Variants in ASPH observed in about 807,000 individuals in gnomAD.
ASPH encodes the protein aspartate beta-hydroxylase, also known as aspartyl/asparaginyl beta-hydroxylase.
Under a neutral mutation model 118.4 loss-of-function variants are expected in ASPH, and 100 were observed. The observed-to-expected ratio is 0.84, with a 90% confidence interval of 0.72 to 1.00. ASPH has a LOEUF of 1.00. Ranked by LOEUF, ASPH falls within the 50% of genes least tolerant of loss-of-function variation. ASPH has a pLI of 0.00. For missense variants in ASPH, 920 were observed against 919.5 expected, an observed-to-expected ratio of 1.00 and a Z score of -0.01; for synonymous variants, 315 against 325.6, an observed-to-expected ratio of 0.97 and a Z score of 0.35.
intron 3 of ASPH, among the ~76,000 whole-genome samples, chr8:61,662,349 A>C (rs1343216625): frequency 6.6e-6 from 1 of 152,166 alleles, no homozygotes; most frequent in African/African-American, 2.4e-5. Flanking sequence ...TTTAGTACTT[A>C]ATTTTCCCTT....
chr8:61,601,823 A>G (rs1348398347), intron 14 of ASPH, among the ~76,000 whole-genome samples: 2 of 151,428 alleles, frequency 1.3e-5, no homozygotes, highest in African/African-American at 4.9e-5. Flanking sequence ...TTCTATAATT[A>G]TTAAACAATA....
intron 14 of ASPH, among the ~76,000 whole-genome samples, chr8:61,594,195 T>C (rs771125112): frequency 6.6e-6 from 1 of 152,184 alleles, no homozygotes; most frequent in Non-Finnish European, 1.5e-5. Flanking sequence ...ATCAGAATTA[T>C]AGTCTCCAGT....
At chr8:61,692,051 C>G (rs1832777463) in intron 1 of ASPH, among the ~76,000 whole-genome samples, 1 of 152,234 alleles carries the variant, frequency 6.6e-6, no homozygotes, top group African/African-American at 2.4e-5. Flanking sequence ...TTCTTCAACA[C>G]AGCTCCAATT....
At chr8:61,624,793 A>G in intron 13 of ASPH, 1 of 985,838 alleles carries the variant, frequency 1.0e-6, no homozygotes, top group Non-Finnish European at 1.2e-6. Context: ...TCCCTAAAAA[A>G]ATATGGCTTT....
chr8:61,679,963 A>AC lies in ASPH; in HGVS notation c.322+1004_322+1005insG, dbSNP rs1349822134. ...ATAATAAAAAAAAAAAAAAAACAAA[A>AC]AACACCAACACAGGTCAACATTAGG... On this transcript the variant is annotated intron_variant, in intron 3 of 24. Coordinates refer to ENST00000379454, the MANE Select transcript of ASPH (RefSeq NM_004318.4). Among the ~76,000 whole-genome samples the AC allele has an allele frequency of 2.4e-4, 36 of 148,332 alleles. 1 individual carries two copies. Among genetic ancestry groups the AC allele is most frequent in the Non-Finnish European group, 3.5e-4 (23 of 66,372 alleles).
intron 17 of ASPH, among the ~76,000 whole-genome samples, chr8:61,566,631 G>A (rs1474889702): frequency 6.6e-6 from 1 of 152,184 alleles, no homozygotes; most frequent in Non-Finnish European, 1.5e-5. Flanking sequence ...AATCAATGCA[G>A]CAAACTTCAT....
intron 7 of ASPH, 22 bp from the exon 8 acceptor site, chr8:61,644,023 G>A (rs771992985): frequency 1.3e-6 from 2 of 1,550,810 alleles, no homozygotes; most frequent in Non-Finnish European, 1.8e-6. Flanking sequence ...GGAATAATTA[G>A]GAAATTACGT....
chr8:61,697,853 A>G (rs1193173111), intron 1 of ASPH, among the ~76,000 whole-genome samples: 1 of 152,162 alleles, frequency 6.6e-6, no homozygotes, highest in African/African-American at 2.4e-5. Flanking sequence ...CAGTAGTGCA[A>G]TCAGAGTTCA....
At chr8:61,541,187 A>G (rs1188891010) in intron 21 of ASPH, among the ~76,000 whole-genome samples, 1 of 152,172 alleles carries the variant, frequency 6.6e-6, no homozygotes, top group Non-Finnish European at 1.5e-5. Context: ...TTATAAGAGT[A>G]AAGATATAAT....
chr8:61,637,534 CA>C (rs769327983), intron 12 of ASPH, among the ~76,000 whole-genome samples: 200 of 143,922 alleles, frequency 1.4e-3, no homozygotes, highest in Non-Finnish European at 1.4e-3. Context: ...TCTCCACCAC[CA>C]AAAAAAAAAA....
intron 20 of ASPH, among the ~76,000 whole-genome samples, chr8:61,552,572 C>A (rs1000836699): frequency 6.6e-6 from 1 of 152,166 alleles, no homozygotes; most frequent in African/African-American, 2.4e-5. Flanking sequence ...CTAAAAAGAA[C>A]TACTTTTAAA....
chr8:61,623,514 T>C (rs1851682425), intron 13 of ASPH, among the ~76,000 whole-genome samples: 1 of 152,208 alleles, frequency 6.6e-6, no homozygotes, highest in Admixed American at 6.5e-5. Flanking sequence ...ACTTTGTTGT[T>C]TCCTTTGCTG....
At chr8:61,589,340 T>C (rs1840409372) in intron 14 of ASPH, among the ~76,000 whole-genome samples, 1 of 152,146 alleles carries the variant, frequency 6.6e-6, no homozygotes, top group Admixed American at 6.5e-5. Context: ...GTAGGTGTAA[T>C]AGTATGAGAA....
chr8:61,567,567 G>A (rs112414318), intron 16 of ASPH, among the ~76,000 whole-genome samples: 193 of 152,244 alleles, frequency 1.3e-3, no homozygotes, highest in African/African-American at 4.4e-3. Flanking sequence ...ACTAATACAC[G>A]CTGGGGCTGA....
chr8:61,616,089 A>G (rs1455616461), intron 14 of ASPH, among the ~76,000 whole-genome samples: 1 of 152,158 alleles, frequency 6.6e-6, no homozygotes, highest in Non-Finnish European at 1.5e-5. Context: ...TTAGTTACAA[A>G]CATATTTTGG....
intron 20 of ASPH, among the ~76,000 whole-genome samples, chr8:61,551,962 G>A (rs1204660109): frequency 1.3e-5 from 2 of 152,172 alleles, no homozygotes; most frequent in Admixed American, 6.5e-5. Context: ...ATCAAAAATT[G>A]TCAATTATCT....
rs376646737 is a variant in ASPH at position 61,709,454 on chromosome 8, C to T, written c.103+4815G>A. ...ATAAAAATGGCCAGAGCTGCAGGACCGAACCAGAGAAACTCATCACACCCA... is the reference window on the plus strand; with the variant it reads ...ATAAAAATGGCCAGAGCTGCAGGACTGAACCAGAGAAACTCATCACACCCA... On this transcript the variant is annotated intron_variant, in intron 1 of 24. Coordinates refer to ENST00000379454, the MANE Select transcript of ASPH (RefSeq NM_004318.4). Among the ~76,000 whole-genome samples, 7 of 152,230 alleles carry T rather than the reference C, an allele frequency of 4.6e-5. No homozygotes were observed. The East Asian group carries it at 1.2e-3, about 25-fold the overall frequency.
At chr8:61,700,748 C>T (rs747197589) in intron 1 of ASPH, among the ~76,000 whole-genome samples, 4 of 152,152 alleles carry the variant, frequency 2.6e-5, no homozygotes, top group Non-Finnish European at 4.4e-5. Context: ...ACTTAGATTC[C>T]GCTACAATAT....
intron 21 of ASPH, among the ~76,000 whole-genome samples, chr8:61,541,741 T>C (rs1016691631): frequency 1.3e-5 from 2 of 152,156 alleles, no homozygotes; most frequent in South Asian, 2.1e-4. Flanking sequence ...TCACACAGCA[T>C]GGAGTTGTAA....
Sources: allele counts gnomAD v4.1 joint callset (sites outside exome capture counted in the v4.1 genomes callset), GRCh38; gene constraint gnomAD v4.1.1; transcripts MANE v1.5; gene names NCBI Gene and HGNC (gene_info 2026-07-23, HGNC 2026-07-21).